The following TBC1D19 variants were observed in gnomAD, a reference collection of about 807,000 sequenced individuals.
TBC1D19 encodes the protein TBC1 domain family member 19.
In TBC1D19, 60 loss-of-function variants were observed where a neutral mutation model predicts 89.0. The ratio of observed to expected loss-of-function variants is 0.67; its 90% CI spans 0.55 to 0.84. The LOEUF (loss-of-function observed/expected upper bound fraction) is 0.84, where lower values mean the gene tolerates loss of function less well. Among genes scored for constraint, TBC1D19 ranks in the 40% least tolerant of loss-of-function variants. The pLI, the probability that TBC1D19 is intolerant of heterozygous loss-of-function variation, is 0.00. For synonymous variants in TBC1D19, 189 were observed against 199.7 expected (o/e 0.95, Z 0.45); for missense variants, 500 against 610.8 (o/e 0.82, Z 1.91).
At chr4:26,806,811 G>A in the TBC1D19 span, among the ~76,000 whole-genome samples, 13 of 152,194 alleles carry the variant, frequency 8.5e-5, no homozygotes, top group Admixed American at 2.0e-4. Flanking sequence ...GAAGAAACTC[G>A]TCTGACGGCA....
intron 1 of TBC1D19, among the ~76,000 whole-genome samples, chr4:26,601,735 G>A (rs1360784759): frequency 2.0e-5 from 3 of 152,182 alleles, no homozygotes; most frequent in Non-Finnish European, 1.5e-5. Context: ...AGATGAGCAG[G>A]TTAGATAGGA....
intron 13 of TBC1D19, among the ~76,000 whole-genome samples, chr4:26,702,091 GGTAAACAGA>G (rs1221272180): frequency 6.6e-6 from 1 of 152,144 alleles, no homozygotes; most frequent in African/African-American, 2.4e-5. Flanking sequence ...TGCCTCATTT[GGTAAACAGA>G]GTCAGTGAGG....
intron 1 of TBC1D19, among the ~76,000 whole-genome samples, chr4:26,612,186 G>A (rs1342074508): frequency 6.6e-6 from 1 of 150,538 alleles, no homozygotes; most frequent in African/African-American, 2.5e-5. Context: ...TAGTTTTGTT[G>A]TGAATATTTT....
At chr4:26,748,175 A>G (rs1028974094) in intron 18 of TBC1D19, among the ~76,000 whole-genome samples, 4 of 152,230 alleles carry the variant, frequency 2.6e-5, no homozygotes, top group African/African-American at 9.6e-5. Flanking sequence ...TGACCTCTAG[A>G]GTAAAGGAGG....
chr4:26,776,385 T>C, the TBC1D19 span, among the ~76,000 whole-genome samples: 1 of 152,220 alleles, frequency 6.6e-6, no homozygotes, highest in African/African-American at 2.4e-5. Context: ...AATTCACATA[T>C]AATAGTCTTA....
At chr4:26,732,204 C>A (rs1379310694) in intron 15 of TBC1D19, among the ~76,000 whole-genome samples, 2 of 152,148 alleles carry the variant, frequency 1.3e-5, no homozygotes, top group Non-Finnish European at 2.9e-5. Flanking sequence ...AGAGCAGATC[C>A]CACCACTATC....
chr4:26,823,275 A>G, the TBC1D19 span, among the ~76,000 whole-genome samples: 11 of 152,116 alleles, frequency 7.2e-5, no homozygotes, highest in African/African-American at 1.7e-4. Flanking sequence ...CCATGATTCA[A>G]TTACCTCCCA....
rs1331782665 is a variant in TBC1D19 at position 26,750,006 on chromosome 4, A to T, written c.1435+1480A>T. Among the ~76,000 whole-genome samples the T allele has an allele frequency of 2.0e-5, 3 of 152,182 alleles. No individual in the cohort carries two copies. The East Asian group carries it at 5.8e-4, about 29-fold the overall frequency. The stretch of plus-strand genomic sequence containing the variant: ...GGAATCCTCAAGGGTGTTGAGTATA[A>T]CTTTTTCTAAACATTGTTCACAAGC... On this transcript the variant is annotated intron_variant, in intron 19 of 20. Transcript: ENST00000264866.
chr4:26,614,811 G>A (rs1741580521), intron 3 of TBC1D19, among the ~76,000 whole-genome samples: 1 of 152,042 alleles, frequency 6.6e-6, no homozygotes, highest in Non-Finnish European at 1.5e-5. Flanking sequence ...CCAAGTTGCT[G>A]GGATTACAGG....
chr4:26,852,076 A>G, the TBC1D19 span, among the ~76,000 whole-genome samples: 1 of 152,224 alleles, frequency 6.6e-6, no homozygotes, highest in East Asian at 1.9e-4. Flanking sequence ...CTGGATGCCT[A>G]TTAGGCATCT....
chr4:26,728,530 C>T (rs112351259), intron 15 of TBC1D19, among the ~76,000 whole-genome samples: 47 of 151,812 alleles, frequency 3.1e-4, no homozygotes, highest in African/African-American at 7.5e-4. Context: ...AAAAGATGGG[C>T]GGAAGAAAAA....
chr4:26,697,483 A>G (rs1440110806), intron 13 of TBC1D19, among the ~76,000 whole-genome samples: 1 of 152,202 alleles, frequency 6.6e-6, no homozygotes, highest in East Asian at 1.9e-4. Context: ...ATCAATAGAA[A>G]AAGAGGGAAT....
chr4:26,853,278 C>T, the TBC1D19 span, among the ~76,000 whole-genome samples: 2 of 152,222 alleles, frequency 1.3e-5, no homozygotes, highest in African/African-American at 4.8e-5. Flanking sequence ...GAAATCCTCT[C>T]TCCCCAGACA....
intron 7 of TBC1D19, among the ~76,000 whole-genome samples, chr4:26,645,514 T>TTA (rs1743855981): frequency 4.0e-5 from 6 of 150,962 alleles, no homozygotes; most frequent in Non-Finnish European, 7.4e-5. Flanking sequence ...TCAAGATTGA[T>TTA]TAAAGACTTA....
the TBC1D19 span, among the ~76,000 whole-genome samples, chr4:26,827,285 T>G: frequency 6.6e-6 from 1 of 152,210 alleles, no homozygotes; most frequent in Non-Finnish European, 1.5e-5. Flanking sequence ...CTCTTCTTCA[T>G]CACCAAATCT....
At chr4:26,655,461 C>T (rs186417452) in intron 7 of TBC1D19, among the ~76,000 whole-genome samples, 4 of 152,338 alleles carry the variant, frequency 2.6e-5, no homozygotes, top group African/African-American at 7.2e-5. Flanking sequence ...CGATGCCCTG[C>T]CCGCAGAGGT....
chr4:26,730,162 A>C (rs1215142096), intron 15 of TBC1D19, among the ~76,000 whole-genome samples: 1 of 152,136 alleles, frequency 6.6e-6, no homozygotes, highest in Admixed American at 6.5e-5. Context: ...AAAATGATAG[A>C]GGTAGACTCC....
the TBC1D19 span, among the ~76,000 whole-genome samples, chr4:26,831,352 T>C: frequency 6.6e-6 from 1 of 152,156 alleles, no homozygotes; most frequent in Non-Finnish European, 1.5e-5. Flanking sequence ...AGTTAGATAG[T>C]AAATATTTTA....
rs868695268 is a variant in TBC1D19, at chr4:26,649,959, G to A, written c.481-9638G>A. Among the ~76,000 whole-genome samples the A allele has an allele frequency of 3.8e-4, 12 of 31,548 alleles. No individual in the cohort carries two copies. The Non-Finnish European group carries it at 0.011, about 29-fold the overall frequency. The allele number at this position is 31,548 out of a possible 152,430, so 20.7% of individuals were successfully genotyped here. A position where few individuals can be genotyped will look rare whatever the true frequency, so the allele number is the denominator to read the frequency against. The stretch of plus-strand genomic sequence containing the variant: ...TTCCCACCTATGAGTGAGAACATGC[G>A]GTGTTTGGTTTTTTGTCCTTGCGAT... On this transcript the variant is annotated intron_variant, in intron 7 of 20. Transcript: ENST00000264866.
Sources: allele counts gnomAD v4.1 joint callset (sites outside exome capture counted in the v4.1 genomes callset), GRCh38; gene constraint gnomAD v4.1.1; transcripts MANE v1.5; gene names NCBI Gene and HGNC (gene_info 2026-07-23, HGNC 2026-07-21).